RPTOR: variants seen among roughly 807,000 people sequenced by gnomAD.
The protein encoded by RPTOR is regulatory-associated protein of mTOR.
RPTOR carries 21 observed loss-of-function variants against 169.9 expected under a neutral mutation model. That is an observed-to-expected ratio of 0.12 (90% CI 0.09 to 0.18). The LOEUF is 0.18. RPTOR is among the 10% of genes least tolerant of loss of function. The pLI, the probability that RPTOR is intolerant of heterozygous loss-of-function variation, is 1.00. For missense variants in RPTOR, 1,133 were observed against 1,855.9 expected, an observed-to-expected ratio of 0.61 and a Z score of 7.16; for synonymous variants, 732 against 753.2, an observed-to-expected ratio of 0.97 and a Z score of 0.46.
intron 24 of RPTOR, among the ~76,000 whole-genome samples, chr17:80,938,316 G>A (rs1323440448): frequency 6.6e-6 from 1 of 152,168 alleles, no homozygotes; most frequent in African/African-American, 2.4e-5. Flanking sequence ...GGACCATAGA[G>A]TGCCGGGCCA....
intron 11 of RPTOR, among the ~76,000 whole-genome samples, chr17:80,851,135 G>A (rs2067789495): frequency 6.6e-6 from 1 of 152,086 alleles, no homozygotes; most frequent in African/African-American, 2.4e-5. Flanking sequence ...CACCATGTTG[G>A]GCAGGCTGGT....
At chr17:80,791,208 C>T (rs1048448672) in intron 6 of RPTOR, among the ~76,000 whole-genome samples, 12 of 152,284 alleles carry the variant, frequency 7.9e-5, no homozygotes, top group Non-Finnish European at 1.6e-4. Context: ...TGGCTGCAAA[C>T]GGCTTCTCTC....
chr17:80,808,434 C>T (rs915618918), intron 7 of RPTOR, among the ~76,000 whole-genome samples: 1 of 152,120 alleles, frequency 6.6e-6, no homozygotes, highest in South Asian at 2.1e-4. Context: ...CTAAAAGAAA[C>T]AAAAACAGAG....
chr17:80,907,089 A>G (rs964564500), intron 20 of RPTOR, among the ~76,000 whole-genome samples: 1 of 152,040 alleles, frequency 6.6e-6, no homozygotes, highest in African/African-American at 2.4e-5. Flanking sequence ...CGTGGACTTG[A>G]CTGTGTCGTG....
chr17:80,586,707 G>A (rs2065063445), intron 1 of RPTOR, among the ~76,000 whole-genome samples: 1 of 152,148 alleles, frequency 6.6e-6, no homozygotes, highest in Non-Finnish European at 1.5e-5. Context: ...GCCCATCACG[G>A]TCAGGGACGC....
intron 20 of RPTOR, among the ~76,000 whole-genome samples, chr17:80,906,710 CCAGCACAGGCAGCA>C (rs1168152585): frequency 1.3e-5 from 2 of 152,196 alleles, no homozygotes; most frequent in Non-Finnish European, 2.9e-5. Context: ...ATGATTCACG[CCAGCACAGGCAGCA>C]CAGCAGCAGA....
At chr17:80,808,737 T>G (rs941728348) in intron 7 of RPTOR, among the ~76,000 whole-genome samples, 1 of 152,170 alleles carries the variant, frequency 6.6e-6, no homozygotes, top group Non-Finnish European at 1.5e-5. Context: ...ATACATTCGA[T>G]TTGATGTTTC....
At chr17:80,954,002 T>C (rs1158536182) in intron 28 of RPTOR, among the ~76,000 whole-genome samples, 1 of 152,212 alleles carries the variant, frequency 6.6e-6, no homozygotes, top group Non-Finnish European at 1.5e-5. Flanking sequence ...TTTTTGTTTG[T>C]TTGTGTTTGT....
In RPTOR at chr17:80,604,932, C is replaced by CT. The variant is rs35612700; in HGVS notation, c.163-20749dup. Among the ~76,000 whole-genome samples the CT allele has an allele frequency of 7.9e-3, 1,173 of 149,112 alleles. 24 individuals are homozygous for CT. Among genetic ancestry groups the CT allele is most frequent in the African/African-American group, 0.027 (1,095 of 40,558 alleles). Reference sequence around the variant, plus strand: ...CAAGTCATATCTTTTTTTTTTTCCCCTTTTTTTTTTGAGAGGGTGGGTCTT... The same window carrying CT: ...CAAGTCATATCTTTTTTTTTTTCCCCTTTTTTTTTTTGAGAGGGTGGGTCTT... On this transcript the variant is annotated intron_variant, in intron 1 of 33. Coordinates refer to ENST00000306801, the MANE Select transcript of RPTOR (RefSeq NM_020761.3).
At chr17:80,572,277 T>C (rs530064513) in intron 1 of RPTOR, among the ~76,000 whole-genome samples, 1 of 152,234 alleles carries the variant, frequency 6.6e-6, no homozygotes, top group South Asian at 2.1e-4. Flanking sequence ...TTTCTTTGTA[T>C]TTTTTTGTAG....
chr17:80,604,729 A>G (rs1198012535), intron 1 of RPTOR, among the ~76,000 whole-genome samples: 1 of 152,204 alleles, frequency 6.6e-6, no homozygotes, highest in East Asian at 1.9e-4. Flanking sequence ...GTGGCAGGCA[A>G]GAGAGCTTGT....
rs535186738 is a variant in RPTOR at position 80,731,702 on chromosome 17, A to G, written c.654+996A>G. 1.4e-4 allele frequency among the ~76,000 whole-genome samples: 22 copies of G among 152,364 alleles called. No individual in the cohort carries two copies. In the South Asian group the frequency reaches 4.4e-3, roughly 30 times the overall value. ...TCATGAGTTCTACTGGTTGCAGTAT[A>G]GGAAATTCTCAATTTAGGAGCAAAA... On this transcript the variant is annotated intron_variant, in intron 5 of 33. Transcript: ENST00000306801.
intron 9 of RPTOR, among the ~76,000 whole-genome samples, chr17:80,835,365 A>C (rs1260020013): frequency 6.6e-6 from 1 of 152,208 alleles, no homozygotes; most frequent in African/African-American, 2.4e-5. Context: ...AACCTAAAAA[A>C]TAACACAGAG....
chr17:80,832,997 G>A (rs1274290959), intron 9 of RPTOR, among the ~76,000 whole-genome samples: 1 of 152,190 alleles, frequency 6.6e-6, no homozygotes, highest in Admixed American at 6.5e-5. Context: ...CCGGCTTTCT[G>A]TTTAATGTTT....
chr17:80,869,896 A>C (rs545174341), intron 13 of RPTOR, among the ~76,000 whole-genome samples: 73 of 152,328 alleles, frequency 4.8e-4, no homozygotes, highest in Non-Finnish European at 9.3e-4. Context: ...CCAGAGCTCA[A>C]GAGCAGCAGA....
At chr17:80,670,707 T>C (rs1381393037) in intron 3 of RPTOR, among the ~76,000 whole-genome samples, 1 of 152,114 alleles carries the variant, frequency 6.6e-6, no homozygotes, top group Non-Finnish European at 1.5e-5. Flanking sequence ...TGGTATACGA[T>C]AGATGTGTAG....
intron 13 of RPTOR, among the ~76,000 whole-genome samples, chr17:80,864,416 G>T (rs2067962686): frequency 6.7e-6 from 1 of 150,346 alleles, no homozygotes; most frequent in African/African-American, 2.5e-5. Context: ...GATGGAAAAG[G>T]TGAGCGTGAT....
chr17:80,625,699 A>C lies in RPTOR; in HGVS notation c.171A>C (p.Thr57=). ...QSWRMKDRMK[T]VSVALVLCLN... ...TTCTGTTGTGTTTTCAGATGAAGAC[A>C]GTCAGTGTTGCCTTAGTTTTGTGCC... Residue 57 remains threonine (T), a synonymous_variant, in exon 2 of 34, where the codon ACA becomes ACC. Transcript: ENST00000306801. The C allele has an allele frequency of 6.2e-7, 1 of 1,607,662 alleles. No individual in the cohort carries two copies. The highest frequency in any genetic ancestry group is 8.5e-7 in the Non-Finnish European group (1 of 1,174,308).
At chr17:80,811,682 C>T (rs4998688) in intron 7 of RPTOR, among the ~76,000 whole-genome samples, 12,664 of 111,060 alleles carry the variant, frequency 0.11, 13 homozygotes, top group Middle Eastern at 0.18. Flanking sequence ...GACACAGCCA[C>T]GCCCTCTCCA....
Sources: allele counts gnomAD v4.1 joint callset (sites outside exome capture counted in the v4.1 genomes callset), GRCh38; gene constraint gnomAD v4.1.1; transcripts MANE v1.5; gene names NCBI Gene and HGNC (gene_info 2026-07-23, HGNC 2026-07-21).